EXOC6B: variants seen among roughly 807,000 people sequenced by gnomAD.
The protein encoded by EXOC6B is exocyst complex component 6B.
Under a neutral mutation model 113.5 loss-of-function variants are expected in EXOC6B, and 54 were observed. The ratio of observed to expected loss-of-function variants is 0.48; its 90% CI spans 0.38 to 0.60. The LOEUF is 0.60. Ranked by LOEUF, EXOC6B falls within the 20% of genes least tolerant of loss-of-function variation. EXOC6B has a pLI of 0.00. For missense variants in EXOC6B, 797 were observed against 977.5 expected (o/e 0.82, Z 2.46); for synonymous variants, 357 against 339.0 (o/e 1.05, Z -0.58).
intron 8 of EXOC6B, among the ~76,000 whole-genome samples, chr2:72,533,803 G>C (rs1033023158): frequency 6.6e-6 from 1 of 152,048 alleles, no homozygotes; most frequent in Non-Finnish European, 1.5e-5. Context: ...TTTTTTAATA[G>C]TACCTTCAGA....
chr2:72,518,810 A>G (rs1275510682), intron 8 of EXOC6B, among the ~76,000 whole-genome samples: 4 of 152,156 alleles, frequency 2.6e-5, no homozygotes, highest in Non-Finnish European at 5.9e-5. Flanking sequence ...AGAGTTTTAG[A>G]TATTTTGGAA....
chr2:72,210,654 AT>A (rs1680131255), intron 20 of EXOC6B, among the ~76,000 whole-genome samples: 1 of 152,212 alleles, frequency 6.6e-6, no homozygotes, highest in African/African-American at 2.4e-5. Context: ...TCTGGCAGCT[AT>A]CCCAAAGGGG....
rs1553462592 is a variant in EXOC6B, at chr2:72,189,860, C to CTTTCTTTTTTTT, written c.2197-5674_2197-5673insAAAAAAAAGAAA. Among the ~76,000 whole-genome samples the CTTTCTTTTTTTT allele has an allele frequency of 9.4e-4, 82 of 87,212 alleles. 1 individual carries two copies. The highest frequency in any genetic ancestry group is 4.3e-3 in the African/African-American group (66 of 15,348). 57.2% of individuals were successfully genotyped at this position (87,212 alleles called of 152,430 possible). A position where few individuals can be genotyped will look rare whatever the true frequency, so the allele number is the denominator to read the frequency against. On this transcript the variant is annotated intron_variant, in intron 20 of 21. Coordinates refer to ENST00000272427, the MANE Select transcript of EXOC6B (RefSeq NM_015189.3). ...TCTCTCTCTCTTTCTCCTTCTTCTTCTTTTTTTTTTTTTTTTTTTTGAGGC... is the reference window on the plus strand; with the variant it reads ...TCTCTCTCTCTTTCTCCTTCTTCTTCTTTCTTTTTTTTTTTTTTTTTTTTTTTTTTTTGAGGC...
rs181093386 is a variant in EXOC6B at position 72,325,132 on chromosome 2, T to C, written c.2196+9815A>G. Among the ~76,000 whole-genome samples, 6 of 152,326 alleles carry C rather than the reference T, an allele frequency of 3.9e-5. No individual in the cohort carries two copies. In the East Asian group the frequency reaches 7.7e-4, roughly 20 times the overall value. Reference sequence around the variant, plus strand: ...ACAAATGTTATCCAGAAAGGCTTCATGCCCACGTTGAATTTCATTTCATGT... The same window carrying C: ...ACAAATGTTATCCAGAAAGGCTTCACGCCCACGTTGAATTTCATTTCATGT... On this transcript the variant is annotated intron_variant, in intron 20 of 21. Coordinates refer to ENST00000272427, the MANE Select transcript of EXOC6B (RefSeq NM_015189.3).
At chr2:72,516,351 G>T (rs1701213330) in intron 8 of EXOC6B, among the ~76,000 whole-genome samples, 1 of 152,074 alleles carries the variant, frequency 6.6e-6, no homozygotes. Context: ...GTGTTCAAGA[G>T]ATTCTCCTGC....
At chr2:72,809,064 TCAA>T (rs958988929) in intron 1 of EXOC6B, among the ~76,000 whole-genome samples, 5 of 151,728 alleles carry the variant, frequency 3.3e-5, no homozygotes, top group South Asian at 4.2e-4. Flanking sequence ...AGACTCTGTC[TCAA>T]CAACAACAAC....
chr2:72,410,902 G>A (rs770846795), intron 18 of EXOC6B, among the ~76,000 whole-genome samples: 3 of 152,132 alleles, frequency 2.0e-5, no homozygotes, highest in Non-Finnish European at 2.9e-5. Context: ...GGCCGACTGA[G>A]CTGAGATAAA....
At chr2:72,393,139 G>C (rs1692493167) in intron 18 of EXOC6B, among the ~76,000 whole-genome samples, 1 of 151,842 alleles carries the variant, frequency 6.6e-6, no homozygotes, top group East Asian at 1.9e-4. Context: ...TCTGTAACCA[G>C]GCTGGAGTGC....
rs528725983 is a variant in EXOC6B, at chr2:72,460,904, C to A, written c.1980+4256G>T. 3.8e-4 allele frequency among the ~76,000 whole-genome samples: 57 copies of A among 151,540 alleles called. 1 individual carries two copies. The highest frequency in any genetic ancestry group is 1.4e-3 in the African/African-American group (57 of 41,186). The stretch of plus-strand genomic sequence containing the variant: ...AATCATGCTGCTATAAAGACACATG[C>A]ACACGTATGTTTATTGCGGCACTAT... On this transcript the variant is annotated intron_variant, in intron 18 of 21. Transcript: ENST00000272427.
At chr2:72,186,224 A>G (rs1263793181) in intron 20 of EXOC6B, among the ~76,000 whole-genome samples, 1 of 152,218 alleles carries the variant, frequency 6.6e-6, no homozygotes, top group Non-Finnish European at 1.5e-5. Flanking sequence ...GTGTCTTTAT[A>G]GCAGCATGAT....
At chr2:72,401,567 A>ATATATATATATATATATGTG in intron 18 of EXOC6B, among the ~76,000 whole-genome samples, 2 of 18,582 alleles carry the variant, frequency 1.1e-4, no homozygotes, top group East Asian at 2.4e-3. Flanking sequence ...ATATATATAC[A>ATATATATATATATATATGTG]TATATATATA....
intron 6 of EXOC6B, among the ~76,000 whole-genome samples, chr2:72,705,435 C>G (rs1334388548): frequency 6.6e-6 from 1 of 152,178 alleles, no homozygotes; most frequent in East Asian, 1.9e-4. Context: ...GATGCCCTCT[C>G]TCACCACTCC....
At chr2:72,600,180 C>T (rs946338505) in intron 6 of EXOC6B, among the ~76,000 whole-genome samples, 1 of 152,056 alleles carries the variant, frequency 6.6e-6, no homozygotes, top group Non-Finnish European at 1.5e-5. Context: ...GTGGCTCACA[C>T]GAGTAATCCC....
At chr2:72,654,270 T>A (rs1419638506) in intron 6 of EXOC6B, among the ~76,000 whole-genome samples, 1 of 152,208 alleles carries the variant, frequency 6.6e-6, no homozygotes, top group Non-Finnish European at 1.5e-5. Flanking sequence ...GTCATGAATT[T>A]TAAGGAATGC....
At chr2:72,486,545 C>T (rs1699430850) in intron 16 of EXOC6B, among the ~76,000 whole-genome samples, 2 of 152,206 alleles carry the variant, frequency 1.3e-5, no homozygotes, top group East Asian at 3.9e-4. Context: ...TCCTTCAACT[C>T]CCATGCTTGC....
At chr2:72,524,886 C>T (rs2105732079) in intron 8 of EXOC6B, among the ~76,000 whole-genome samples, 1 of 152,288 alleles carries the variant, frequency 6.6e-6, no homozygotes, top group Middle Eastern at 3.4e-3. Context: ...TCATTACTTC[C>T]AAAGGCCCCA....
rs561168252 is a variant in EXOC6B at position 72,540,085 on chromosome 2, G to C, written c.915+19368C>G. Among the ~76,000 whole-genome samples the C allele has an allele frequency of 3.6e-3, 546 of 151,336 alleles. 3 individuals are homozygous for C. Among genetic ancestry groups the C allele is most frequent in the African/African-American group, 0.012 (494 of 41,210 alleles). On this transcript the variant is annotated intron_variant, in intron 8 of 21. Coordinates refer to ENST00000272427, the MANE Select transcript of EXOC6B (RefSeq NM_015189.3). ...CTTGCGATAGTTTACTGAGAATGAT[G>C]ATTTCCAATTTCATCCATGTCCCTA...
chr2:72,521,505 A>G (rs560317706), intron 8 of EXOC6B, among the ~76,000 whole-genome samples: 38 of 152,210 alleles, frequency 2.5e-4, no homozygotes, highest in Non-Finnish European at 5.1e-4. Flanking sequence ...TGTTTATAAC[A>G]GCAAAACACA....
At chr2:72,556,780 T>C (rs1475592591) in intron 8 of EXOC6B, among the ~76,000 whole-genome samples, 1 of 151,918 alleles carries the variant, frequency 6.6e-6, no homozygotes, top group Non-Finnish European at 1.5e-5. Context: ...TAAACTTATA[T>C]GGCTAAAATT....
Sources: allele counts gnomAD v4.1 joint callset (sites outside exome capture counted in the v4.1 genomes callset), GRCh38; gene constraint gnomAD v4.1.1; transcripts MANE v1.5; gene names NCBI Gene and HGNC (gene_info 2026-07-23, HGNC 2026-07-21).